The following SLC25A38 variants were observed in gnomAD, a reference collection of about 807,000 sequenced individuals.
SLC25A38 encodes mitochondrial glycine transporter.
Under a neutral mutation model 33.4 loss-of-function variants are expected in SLC25A38, and 27 were observed. That is an observed-to-expected ratio of 0.81 (90% CI 0.60 to 1.11). SLC25A38 has a LOEUF of 1.11. Among genes scored for constraint, SLC25A38 ranks in the 50% most tolerant of loss-of-function variants. SLC25A38 has a pLI of 0.00. For synonymous variants in SLC25A38, 123 were observed against 145.9 expected, an observed-to-expected ratio of 0.84 and a Z score of 1.13; for missense variants, 344 against 388.8, an observed-to-expected ratio of 0.88 and a Z score of 0.97.
At position 39,391,496 on chromosome 3, in the gene SLC25A38, T is replaced by C; in HGVS notation, c.332T>C (p.Leu111Ser). 1 of 1,614,238 alleles carries C rather than the reference T, an allele frequency of 6.2e-7. No individual in the cohort carries two copies. The highest frequency in any genetic ancestry group is 8.5e-7 in the Non-Finnish European group (1 of 1,180,056). The change falls in exon 4 of 7, where the codon TTG (leucine) becomes TCG (serine). Residue 111 changes from leucine (L) to serine (S), a missense_variant. Leu to Ser is a moderately radical substitution (Grantham distance 145). Transcript: ENST00000650617. ...ATCTACTTTGGCACTCTCTACTCTT[T>C]GAAGCAGTATTTCTTGCGAGGCCAT... The part of the protein sequence containing the change: ...VGIYFGTLYS[L>S]KQYFLRGHPP...
Position 39,389,254 on chromosome 3 carries a change from A to G in SLC25A38, c.70-241A>G. On this transcript the variant is annotated intron_variant, in intron 1 of 6. Transcript: ENST00000650617. This position sits in a 1 kb window ranked among gnomAD's most constrained non-coding sequence, Gnocchi z 4.5. ...GAAATAGTTTTGCTCCCACTGAGCAATATGTCTATCAGCAATACGAAGACC... is the reference window on the plus strand; with the variant it reads ...GAAATAGTTTTGCTCCCACTGAGCAGTATGTCTATCAGCAATACGAAGACC... 1.4e-6 allele frequency: 1 copy of G among 710,242 alleles called. No individual in the cohort carries two copies. The highest frequency in any genetic ancestry group is 2.7e-5 in the East Asian group (1 of 37,242). The allele number at this position is 710,242 out of a possible 1,614,324, so 44.0% of individuals were successfully genotyped here.
intron 5 of SLC25A38, among the ~76,000 whole-genome samples, chr3:39,393,403 T>C (rs2041795808): frequency 6.6e-6 from 1 of 152,240 alleles, no homozygotes; most frequent in African/African-American, 2.4e-5. Flanking sequence ...GGAAACATGA[T>C]GCCCTTTTAA....
Position 39,396,446 on chromosome 3 carries a change from C to T in SLC25A38, c.841C>T (p.Arg281Cys), listed in dbSNP as rs531962884. The change falls in exon 7 of 7, where the codon CGC (arginine) becomes TGC (cysteine). Residue 281 changes from arginine to cysteine, a missense_variant. Physicochemically the swap from Arg to Cys is radical, Grantham distance 180. Transcript: ENST00000650617. ...CCAAGGTGGCATCCCCCGAGCCCTC[C>T]GCAGAACTCTAATGGCAGCAATGGC... ...FFQGGIPRAL[R>C]RTLMAAMAWT... is the part of the protein sequence containing the mutation. The T allele has an allele frequency of 1.1e-5, 18 of 1,614,100 alleles. No individual in the cohort carries two copies. The highest frequency in any genetic ancestry group is 3.3e-5 in the South Asian group (3 of 91,084).
rs2041768572 is a variant in SLC25A38 at position 39,391,604 on chromosome 3, T to A, written c.440T>A (p.Ile147Asn). The change falls in exon 4 of 7, where the codon ATC (isoleucine) becomes AAC (asparagine). Residue 147 changes from isoleucine (I) to asparagine (N), a missense_variant. By Grantham distance (149) the Ile-to-Asn change is moderately radical (BLOSUM62 -3). Transcript: ENST00000650617. ...AGVCMSPITV[I>N]KTRYESGKYG... ...GTCTGTATGTCACCTATCACTGTAA[T>A]CAAGACGCGCTATGAGGTGAGTTCA... 2 of 1,614,206 alleles carry A rather than the reference T, an allele frequency of 1.2e-6. No individual in the cohort carries two copies. The highest frequency in any genetic ancestry group is 1.7e-6 in the Non-Finnish European group (2 of 1,180,050).
chr3:39,391,379 G>T (rs1016736130), intron 3 of SLC25A38, 62 bp from the exon 4 acceptor site: 2 of 1,609,500 alleles, frequency 1.2e-6, no homozygotes, highest in African/African-American at 2.7e-5. Flanking sequence ...GGAAAACCCA[G>T]CTAAGATAAT....
At chr3:39,387,438 C>A (rs1043592399) in intron 1 of SLC25A38, among the ~76,000 whole-genome samples, 5 of 152,040 alleles carry the variant, frequency 3.3e-5, no homozygotes, top group African/African-American at 1.2e-4. Context: ...TCAGTGGAGG[C>A]CAGACTGGGA....
chr3:39,394,322 T>C, intron 5 of SLC25A38, 88 bp from the exon 6 acceptor site: 1 of 1,527,876 alleles, frequency 6.5e-7, no homozygotes, highest in Non-Finnish European at 9.1e-7. Context: ...CTTTCTTGGT[T>C]TGGGGAAGAA....
At chr3:39,396,186 G>A (rs1285839451) in intron 6 of SLC25A38, among the ~76,000 whole-genome samples, 1 of 151,858 alleles carries the variant, frequency 6.6e-6, no homozygotes, top group African/African-American at 2.4e-5. Flanking sequence ...CTATAGCCTG[G>A]GCGACAGAGC....
chr3:39,384,549 T>TGGC, intron 1 of SLC25A38: 1 of 380,272 alleles, frequency 2.6e-6, no homozygotes, highest in Non-Finnish European at 4.6e-6. Flanking sequence ...ACGGCGGCGG[T>TGGC]GGCGACTTTA....
intron 2 of SLC25A38, 52 bp from the exon 3 acceptor site, chr3:39,390,371 G>A: frequency 6.3e-7 from 1 of 1,578,080 alleles, no homozygotes; most frequent in Non-Finnish European, 8.7e-7. Context: ...GTTTTATGAG[G>A]AAGTGATCTA....
chr3:39,396,119 A>T, intron 6 of SLC25A38, among the ~76,000 whole-genome samples: 1 of 152,046 alleles, frequency 6.6e-6, no homozygotes, highest in South Asian at 2.1e-4. Flanking sequence ...CTGAGGCAGG[A>T]GAATCGCTTG....
At position 39,389,585 on chromosome 3, in the gene SLC25A38, C is replaced by T. The variant is rs749681214; in HGVS notation, c.160C>T (p.Arg54Cys). ...CCAACCTCTGGATCTCCTTAAAACA[C>T]GCCTGCAAACCCTCCAGCCCTCAGA... Reference protein sequence around the residue: ...LFQPLDLLKTRLQTLQPSDHG... With the variant: ...LFQPLDLLKTCLQTLQPSDHG... Residue 54 changes from arginine (R) to cysteine (C), a missense_variant, in exon 2 of 7, where the codon CGC (arginine) becomes TGC (cysteine). Arg to Cys is a radical substitution (Grantham distance 180, BLOSUM62 -3). This residue lies in a region of SLC25A38 where 269 missense variants were observed against 271.8 expected (regional missense o/e 0.99). Coordinates refer to ENST00000650617, the MANE Select transcript of SLC25A38 (RefSeq NM_017875.4). This position sits in a 1 kb window ranked among gnomAD's most constrained non-coding sequence, Gnocchi z 4.5. 24 of 1,614,036 alleles carry T rather than the reference C, an allele frequency of 1.5e-5. No homozygotes were observed. The highest frequency in any genetic ancestry group is 7.7e-5 in the South Asian group (7 of 91,082).
Position 39,383,616 on chromosome 3 carries a change from C to A in SLC25A38, c.-109C>A. 1 of 1,298,718 alleles carries A rather than the reference C, an allele frequency of 7.7e-7. No homozygotes were observed. The highest frequency in any genetic ancestry group is 1.1e-6 in the Non-Finnish European group (1 of 910,342). The allele number at this position is 1,298,718 out of a possible 1,614,324, so 80.4% of individuals were successfully genotyped here. On this transcript the variant is annotated 5_prime_UTR_variant, in exon 1 of 7. Coordinates refer to ENST00000650617, the MANE Select transcript of SLC25A38 (RefSeq NM_017875.4). ...GTCAGAGAGCCCGCGGCTTAAAGCG[C>A]GTCGCCTGGCTAGCGCCACCCCCTA...
intron 5 of SLC25A38, among the ~76,000 whole-genome samples, chr3:39,392,844 G>A (rs922602094): frequency 1.3e-5 from 2 of 152,174 alleles, no homozygotes; most frequent in Non-Finnish European, 1.5e-5. Flanking sequence ...GGCACCAGAA[G>A]GTGTAACTCT....
intron 1 of SLC25A38, among the ~76,000 whole-genome samples, chr3:39,385,705 G>A (rs2041701983): frequency 6.6e-6 from 1 of 152,310 alleles, no homozygotes; most frequent in South Asian, 2.1e-4. Context: ...TGTGCACCAG[G>A]CTCCGAGGTC....
intron 2 of SLC25A38, among the ~76,000 whole-genome samples, chr3:39,390,180 A>G (rs1233193913): frequency 1.3e-5 from 2 of 152,162 alleles, no homozygotes; most frequent in African/African-American, 4.8e-5. Context: ...GCCTCGAGTG[A>G]TCTGCCCACC....
At chr3:39,394,241 T>A (rs2041805029) in intron 5 of SLC25A38, among the ~76,000 whole-genome samples, 169 bp from the exon 6 acceptor site, 1 of 152,226 alleles carries the variant, frequency 6.6e-6, no homozygotes, top group Non-Finnish European at 1.5e-5. Context: ...TCTAACTCTA[T>A]CATTCCATCC....
chr3:39,385,647 T>C (rs999904774), intron 1 of SLC25A38, among the ~76,000 whole-genome samples: 8 of 152,126 alleles, frequency 5.3e-5, no homozygotes, highest in African/African-American at 9.7e-5. Context: ...GCATAAGGTT[T>C]CCTGTTAGGT....
chr3:39,388,771 T>C (rs904712207), intron 1 of SLC25A38, among the ~76,000 whole-genome samples: 3 of 152,204 alleles, frequency 2.0e-5, no homozygotes, highest in African/African-American at 4.8e-5. Flanking sequence ...CCTGTAATGA[T>C]AGCACCAGTG....
Sources: gnomAD v4.1 joint callset for allele counts (sites outside exome capture counted in the v4.1 genomes callset) on GRCh38, gnomAD v4.1.1 for gene constraint, gnomAD v4.1.1 regional missense constraint, Gnocchi (gnomAD v3.1) non-coding constraint, MANE v1.5 for transcripts, NCBI Gene and HGNC (gene_info 2026-07-23, HGNC 2026-07-21) for gene names.